Variants in VWA3B observed in about 807,000 individuals in gnomAD.
The protein encoded by VWA3B is von Willebrand factor A domain containing 3B, also known as von Willebrand factor A domain-containing protein 3B.
VWA3B carries 138 observed loss-of-function variants against 158.3 expected under a neutral mutation model. That is an observed-to-expected ratio of 0.87 (90% confidence interval 0.76 to 1.00). The LOEUF is 1.00. Ranked by LOEUF, VWA3B falls within the 50% of genes least tolerant of loss-of-function variation. VWA3B has a pLI of 0.00. For missense variants in VWA3B, 1,555 were observed against 1,565.1 expected, an observed-to-expected ratio of 0.99 and a Z score of 0.11; for synonymous variants, 596 against 587.3, an observed-to-expected ratio of 1.01 and a Z score of -0.21.
At chr2:98,175,866 T>A (rs1679970117) in intron 8 of VWA3B, among the ~76,000 whole-genome samples, 1 of 152,158 alleles carries the variant, frequency 6.6e-6, no homozygotes, top group South Asian at 2.1e-4. Context: ...CCATCCTCCA[T>A]CTCCTTCATT....
chr2:98,314,744 C>T (rs1343071365), downstream of VWA3B, among the ~76,000 whole-genome samples: 20 of 152,116 alleles, frequency 1.3e-4, no homozygotes, highest in Non-Finnish European at 1.8e-4. Flanking sequence ...AAAAGCTGGC[C>T]GGACTTGGTG....
intron 2 of VWA3B, among the ~76,000 whole-genome samples, chr2:98,113,875 T>C (rs904964705): frequency 1.3e-5 from 2 of 152,210 alleles, no homozygotes; most frequent in Non-Finnish European, 2.9e-5. Flanking sequence ...TATTCCATTG[T>C]ATGGCTGTAC....
rs140518438 is a variant in VWA3B at position 98,236,176 on chromosome 2, T to A, written c.2429-214T>A. 3.8e-3 allele frequency among the ~76,000 whole-genome samples: 583 copies of A among 152,348 alleles called. 4 individuals are homozygous for A. Among genetic ancestry groups the A allele is most frequent in the Non-Finnish European group, 6.2e-3 (419 of 68,032 alleles). ...ATGTCTCATTGTCTCAAAACAGTGG[T>A]AGTGCCGTATTTACCCATGCATTGG... On this transcript the variant is annotated intron_variant, in intron 17 of 27. Coordinates refer to ENST00000477737, the MANE Select transcript of VWA3B (RefSeq NM_144992.5).
At chr2:98,179,004 G>A (rs1680245091) in intron 8 of VWA3B, among the ~76,000 whole-genome samples, 1 of 152,164 alleles carries the variant, frequency 6.6e-6, no homozygotes, top group Admixed American at 6.5e-5. Flanking sequence ...TCCTTCCAGT[G>A]GTGTGCAAAT....
chr2:98,262,225 G>T (rs1687531613), intron 21 of VWA3B, among the ~76,000 whole-genome samples: 1 of 151,620 alleles, frequency 6.6e-6, no homozygotes, highest in Non-Finnish European at 1.5e-5. Context: ...CATTTTTTAG[G>T]TTGCTGTTTC....
intron 10 of VWA3B, among the ~76,000 whole-genome samples, chr2:98,188,500 T>G (rs925311632): frequency 6.6e-6 from 1 of 152,200 alleles, no homozygotes; most frequent in Non-Finnish European, 1.5e-5. Context: ...CTATCCTCTC[T>G]CCCTACCTTT....
intron 8 of VWA3B, among the ~76,000 whole-genome samples, chr2:98,180,611 C>T (rs1349750517): frequency 6.6e-6 from 1 of 152,218 alleles, no homozygotes; most frequent in Non-Finnish European, 1.5e-5. Flanking sequence ...GAGTGACTCA[C>T]CCAAGTTTGA....
At chr2:98,213,292 A>T (rs1423087575) in intron 13 of VWA3B, among the ~76,000 whole-genome samples, 1 of 152,018 alleles carries the variant, frequency 6.6e-6, no homozygotes, top group African/African-American at 2.4e-5. Context: ...ATGCCATATT[A>T]GAAGGGTGGT....
chr2:98,169,457 T>C (rs954011646), intron 8 of VWA3B, among the ~76,000 whole-genome samples: 1 of 148,150 alleles, frequency 6.7e-6, no homozygotes, highest in African/African-American at 2.5e-5. Context: ...CCAAAACCTG[T>C]CAGAAAAAAA....
intron 23 of VWA3B, chr2:98,291,622 T>G (rs1323471222): frequency 6.6e-6 from 1 of 152,168 alleles, no homozygotes; most frequent in Non-Finnish European, 1.5e-5. Context: ...TTTCAAAAGC[T>G]CTCTCCCACT....
chr2:98,170,251 C>T (rs1679468168), intron 8 of VWA3B, among the ~76,000 whole-genome samples: 1 of 152,250 alleles, frequency 6.6e-6, no homozygotes, highest in Non-Finnish European at 1.5e-5. Context: ...ATAACCTTCA[C>T]AGCCATTTTG....
intron 12 of VWA3B, among the ~76,000 whole-genome samples, chr2:98,201,982 C>T (rs1433939422): frequency 6.6e-6 from 1 of 152,076 alleles, no homozygotes; most frequent in Non-Finnish European, 1.5e-5. Flanking sequence ...AGATTCTTTT[C>T]TTAGAAATTG....
chr2:98,216,985 C>CCCCCCA (rs373240618), intron 13 of VWA3B: 78 of 1,245,320 alleles, frequency 6.3e-5, no homozygotes, highest in Non-Finnish European at 7.9e-5. Context: ...TGTAAGCACC[C>CCCCCCA]GCCCCGCACC....
intron 10 of VWA3B, among the ~76,000 whole-genome samples, chr2:98,191,655 T>C (rs1454675739): frequency 6.6e-6 from 1 of 152,210 alleles, no homozygotes; most frequent in African/African-American, 2.4e-5. Context: ...GTAGATGAAC[T>C]ACTCCTAGCC....
At chr2:98,308,086 C>T (rs1185488575) in intron 26 of VWA3B, among the ~76,000 whole-genome samples, 1 of 152,086 alleles carries the variant, frequency 6.6e-6, no homozygotes, top group African/African-American at 2.4e-5. Flanking sequence ...AATTTGACAC[C>T]TAAATGATTC....
intron 26 of VWA3B, among the ~76,000 whole-genome samples, chr2:98,311,281 C>A (rs1386015093): frequency 1.3e-5 from 2 of 152,172 alleles, no homozygotes; most frequent in Admixed American, 6.5e-5. Flanking sequence ...GCTTTGTCAG[C>A]GTATTTTCTA....
intron 26 of VWA3B, among the ~76,000 whole-genome samples, chr2:98,310,571 G>A (rs1455290262): frequency 6.6e-6 from 1 of 152,202 alleles, no homozygotes; most frequent in African/African-American, 2.4e-5. Flanking sequence ...GAAACAGAAT[G>A]TATCAACTTA....
downstream of VWA3B, among the ~76,000 whole-genome samples, chr2:98,315,640 A>G (rs1452887646): frequency 6.6e-6 from 1 of 152,238 alleles, no homozygotes; most frequent in East Asian, 1.9e-4. Flanking sequence ...GCTCAATGAC[A>G]CAGTCTATTG....
At chr2:98,179,562 G>C (rs78128722) in intron 8 of VWA3B, among the ~76,000 whole-genome samples, 49 of 152,216 alleles carry the variant, frequency 3.2e-4, no homozygotes, top group African/African-American at 1.2e-3. Flanking sequence ...CCTAGCCTTC[G>C]CGTGTTGATC....
Sources: allele counts gnomAD v4.1 joint callset (sites outside exome capture counted in the v4.1 genomes callset), GRCh38; gene constraint gnomAD v4.1.1; transcripts MANE v1.5; gene names NCBI Gene and HGNC (gene_info 2026-07-23, HGNC 2026-07-21).